Variants in ITFG1 observed in about 807,000 individuals in gnomAD.
ITFG1 encodes integrin alpha FG-GAP repeat containing 1.
ITFG1 carries 34 observed loss-of-function variants against 81.8 expected under a neutral mutation model. The ratio of observed to expected loss-of-function variants is 0.42; its 90% CI spans 0.32 to 0.55. ITFG1 has a LOEUF of 0.55. Ranked by LOEUF, ITFG1 falls within the 20% of genes least tolerant of loss-of-function variation. ITFG1 has a pLI of 0.17. For synonymous variants in ITFG1, 285 were observed against 270.6 expected, an observed-to-expected ratio of 1.05 and a Z score of -0.52; for missense variants, 672 against 755.4, an observed-to-expected ratio of 0.89 and a Z score of 1.29.
intron 12 of ITFG1, among the ~76,000 whole-genome samples, chr16:47,256,631 T>A (rs1420272996): frequency 6.6e-6 from 1 of 152,190 alleles, no homozygotes; most frequent in Non-Finnish European, 1.5e-5. Flanking sequence ...ACATGGATAA[T>A]TAAAAGTATA....
chr16:47,226,431 T>A (rs1965758053), intron 13 of ITFG1, among the ~76,000 whole-genome samples: 1 of 152,166 alleles, frequency 6.6e-6, no homozygotes. Flanking sequence ...TGCAGGTTTG[T>A]TACATATGTA....
At position 47,461,060 on chromosome 16, in the gene ITFG1, C is replaced by T. The variant is rs1969535768; in HGVS notation, c.-15G>A. The T allele has an allele frequency of 6.6e-7, 1 of 1,519,820 alleles. No individual in the cohort carries two copies. Among genetic ancestry groups the T allele is most frequent in the East Asian group, 2.5e-5 (1 of 40,550 alleles). 94.1% of individuals were successfully genotyped at this position (1,519,820 alleles called of 1,614,324 possible). On this transcript the variant is annotated 5_prime_UTR_variant, in exon 1 of 18. Transcript: ENST00000320640. ...GCCGCCGCCATGGCAGCCCCTCAGC[C>T]CCCGCCCGCCGGCCCAACGCCGCGC...
intron 8 of ITFG1, among the ~76,000 whole-genome samples, chr16:47,337,526 C>T (rs952774886): frequency 8.6e-5 from 13 of 152,020 alleles, no homozygotes; most frequent in Non-Finnish European, 4.4e-5. Context: ...GCCAAGGTCG[C>T]GTCACTGCAC....
At chr16:47,223,151 T>A (rs1207835297) in intron 13 of ITFG1, among the ~76,000 whole-genome samples, 3 of 151,462 alleles carry the variant, frequency 2.0e-5, no homozygotes, top group South Asian at 2.1e-4. Context: ...AACCTAGGCA[T>A]TACCATTCAG....
At chr16:47,396,728 T>G (rs1008455261) in intron 6 of ITFG1, among the ~76,000 whole-genome samples, 1 of 152,166 alleles carries the variant, frequency 6.6e-6, no homozygotes, top group African/African-American at 2.4e-5. Context: ...ATCAGTGGAC[T>G]GCAGGCCCCA....
intron 9 of ITFG1, 67 bp from the exon 10 acceptor site, chr16:47,311,479 C>T: frequency 8.2e-7 from 1 of 1,223,766 alleles, no homozygotes; most frequent in African/African-American, 1.6e-5. Context: ...ATTTGCAAAA[C>T]AAACGATCCA....
At chr16:47,426,629 T>C (rs1422272126) in intron 6 of ITFG1, among the ~76,000 whole-genome samples, 2 of 151,648 alleles carry the variant, frequency 1.3e-5, no homozygotes, top group African/African-American at 4.8e-5. Flanking sequence ...AATCTTAGAT[T>C]CATAAAAAAT....
chr16:47,204,399 G>A (rs1965466323), intron 14 of ITFG1, among the ~76,000 whole-genome samples: 1 of 152,152 alleles, frequency 6.6e-6, no homozygotes, highest in African/African-American at 2.4e-5. Flanking sequence ...GACTTTATAA[G>A]CTTAGAGTAT....
chr16:47,168,994 T>C (rs926931400), intron 14 of ITFG1, among the ~76,000 whole-genome samples: 1 of 152,204 alleles, frequency 6.6e-6, no homozygotes, highest in Non-Finnish European at 1.5e-5. Context: ...TCTTTCTCCA[T>C]TGAATGGTTG....
chr16:47,242,750 G>A lies in ITFG1; in HGVS notation c.1331-4742C>T, dbSNP rs911427659. 3.3e-5 allele frequency among the ~76,000 whole-genome samples: 5 copies of A among 152,278 alleles called. No homozygotes were observed. In the East Asian group the frequency reaches 7.7e-4, roughly 24 times the overall value. On this transcript the variant is annotated intron_variant, in intron 12 of 17. Coordinates refer to ENST00000320640, the MANE Select transcript of ITFG1 (RefSeq NM_030790.5). ...CGAAGTAGAAAATTATACAATTTCT[G>A]TGAAGGGACATCTGTTAAAAAATAC...
chr16:47,310,939 T>C (rs1967248698), intron 10 of ITFG1, among the ~76,000 whole-genome samples: 1 of 152,176 alleles, frequency 6.6e-6, no homozygotes, highest in Non-Finnish European at 1.5e-5. Context: ...AATTGGGTCA[T>C]TTGCCTATAA....
At chr16:47,333,079 T>G (rs1967656338) in intron 8 of ITFG1, among the ~76,000 whole-genome samples, 1 of 152,182 alleles carries the variant, frequency 6.6e-6, no homozygotes, top group Non-Finnish European at 1.5e-5. Context: ...TGTTCTTATT[T>G]TTTTTTTCTA....
intron 14 of ITFG1, among the ~76,000 whole-genome samples, chr16:47,190,536 TGTGA>T (rs1158494791): frequency 6.6e-6 from 1 of 152,222 alleles, no homozygotes; most frequent in African/African-American, 2.4e-5. Flanking sequence ...TTATTAAAGT[TGTGA>T]GTGTCAGTAT....
In ITFG1 at chr16:47,408,076, T is replaced by C. The variant is rs551492460; in HGVS notation, c.655+20728A>G. Among the ~76,000 whole-genome samples, 52 of 152,290 alleles carry C rather than the reference T, an allele frequency of 3.4e-4. 1 individual carries two copies. Among genetic ancestry groups the C allele is most frequent in the African/African-American group, 1.2e-3 (49 of 41,554 alleles). On this transcript the variant is annotated intron_variant, in intron 6 of 17. Transcript: ENST00000320640. Reference sequence around the variant, plus strand: ...CAAATCAGTGTCTTTAAAAATCAAGTTTAAAATTTTCAATACAGAATGAAT... The same window carrying C: ...CAAATCAGTGTCTTTAAAAATCAAGCTTAAAATTTTCAATACAGAATGAAT...
intron 14 of ITFG1, among the ~76,000 whole-genome samples, chr16:47,172,760 G>A (rs760437611): frequency 5.3e-5 from 8 of 152,118 alleles, no homozygotes; most frequent in Non-Finnish European, 1.0e-4. Context: ...ACTTTTGCCT[G>A]AATTATTCTT....
chr16:47,168,545 GTTT>G (rs758632507), intron 14 of ITFG1, among the ~76,000 whole-genome samples: 1 of 117,680 alleles, frequency 8.5e-6, no homozygotes, highest in South Asian at 2.8e-4. Flanking sequence ...CTAATTAAAA[GTTT>G]TTTTTTTTTT....
chr16:47,283,782 A>G (rs1443026630), intron 10 of ITFG1, among the ~76,000 whole-genome samples: 1 of 152,200 alleles, frequency 6.6e-6, no homozygotes, highest in Non-Finnish European at 1.5e-5. Flanking sequence ...TTACTATGGC[A>G]ATAGGAAACT....
intron 14 of ITFG1, 46 bp downstream of exon 14, chr16:47,218,822 G>T: frequency 2.6e-6 from 3 of 1,170,718 alleles, no homozygotes; most frequent in South Asian, 3.1e-5. Context: ...CTAATATATT[G>T]ACTGAAGAAG....
chr16:47,427,585 C>A (rs1969039412), intron 6 of ITFG1, among the ~76,000 whole-genome samples: 1 of 151,944 alleles, frequency 6.6e-6, no homozygotes, highest in Non-Finnish European at 1.5e-5. Context: ...GAGATCGCAC[C>A]ACTGCACTAC....
Sources: allele counts gnomAD v4.1 joint callset (sites outside exome capture counted in the v4.1 genomes callset), GRCh38; gene constraint gnomAD v4.1.1; transcripts MANE v1.5; gene names NCBI Gene and HGNC (gene_info 2026-07-23, HGNC 2026-07-21).